The following HS3ST3A1 variants were observed in gnomAD, a reference collection of about 807,000 sequenced individuals.
HS3ST3A1 encodes the protein heparan sulfate-glucosamine 3-sulfotransferase 3A1, also known as heparan sulfate glucosamine 3-O-sulfotransferase 3A1.
HS3ST3A1 carries 19 observed loss-of-function variants against 25.7 expected under a neutral mutation model. That is an observed-to-expected ratio of 0.74 (90% CI 0.52 to 1.08). The LOEUF (loss-of-function observed/expected upper bound fraction) is 1.08. HS3ST3A1 is among the 50% of genes least tolerant of loss of function. The pLI is 0.00. For missense variants in HS3ST3A1, 459 were observed against 594.3 expected, an observed-to-expected ratio of 0.77 and a Z score of 2.37; for synonymous variants, 226 against 278.6, an observed-to-expected ratio of 0.81 and a Z score of 1.88.
intron 1 of HS3ST3A1, among the ~76,000 whole-genome samples, chr17:13,537,292 G>A (rs7211855): frequency 0.44 from 67,507 of 152,122 alleles, 16,646 homozygotes; most frequent in African/African-American, 0.67. Flanking sequence ...CAGCTGCATC[G>A]TGTGGCATAT....
intron 1 of HS3ST3A1, among the ~76,000 whole-genome samples, chr17:13,572,287 G>T (rs1434541410): frequency 9.2e-5 from 14 of 152,130 alleles, no homozygotes; most frequent in Admixed American, 9.2e-4. Flanking sequence ...CTAAAGAAGG[G>T]AACTGACTTA....
chr17:13,521,007 T>G (rs1336275356), intron 1 of HS3ST3A1, among the ~76,000 whole-genome samples: 1 of 152,202 alleles, frequency 6.6e-6, no homozygotes, highest in African/African-American at 2.4e-5. Context: ...CATGGGCTTC[T>G]TTCCAAATTC....
intron 1 of HS3ST3A1, among the ~76,000 whole-genome samples, chr17:13,512,818 G>T (rs1905922313): frequency 6.6e-6 from 1 of 152,108 alleles, no homozygotes; most frequent in Non-Finnish European, 1.5e-5. Flanking sequence ...GTATGTCTTT[G>T]TTTTATTACT....
intron 1 of HS3ST3A1, among the ~76,000 whole-genome samples, chr17:13,508,139 G>C (rs1905744911): frequency 6.6e-6 from 1 of 152,192 alleles, no homozygotes; most frequent in Admixed American, 6.5e-5. Flanking sequence ...ATCAGGGTTA[G>C]AGCCCAGGAC....
intron 1 of HS3ST3A1, among the ~76,000 whole-genome samples, chr17:13,522,256 G>A (rs1906272500): frequency 6.6e-6 from 1 of 151,070 alleles, no homozygotes; most frequent in South Asian, 2.1e-4. Context: ...TAACAATACC[G>A]AGAGAGTATC....
intron 1 of HS3ST3A1, among the ~76,000 whole-genome samples, chr17:13,555,469 GA>G (rs1260243255): frequency 3.9e-5 from 6 of 152,146 alleles, no homozygotes; most frequent in African/African-American, 1.4e-4. Flanking sequence ...CTAGAAAACA[GA>G]AATGGGGCTG....
intron 1 of HS3ST3A1, among the ~76,000 whole-genome samples, chr17:13,526,873 G>A (rs143184141): frequency 3.5e-3 from 530 of 151,858 alleles, no homozygotes; most frequent in Middle Eastern, 6.8e-3. Flanking sequence ...GCCTGGTCTC[G>A]AACTCCCGAC....
chr17:13,512,705 T>C (rs1354639835), intron 1 of HS3ST3A1, among the ~76,000 whole-genome samples: 1 of 152,146 alleles, frequency 6.6e-6, no homozygotes, highest in Non-Finnish European at 1.5e-5. Context: ...TAGAATAAAA[T>C]TAGTATTCAA....
intron 1 of HS3ST3A1, among the ~76,000 whole-genome samples, chr17:13,506,285 A>T (rs1905672771): frequency 6.6e-6 from 1 of 152,130 alleles, no homozygotes; most frequent in South Asian, 2.1e-4. Context: ...ATCTTGGGCA[A>T]ATCACTTTCG....
At chr17:13,582,902 T>C (rs755443731) in intron 1 of HS3ST3A1, among the ~76,000 whole-genome samples, 2 of 152,232 alleles carry the variant, frequency 1.3e-5, no homozygotes, top group Non-Finnish European at 2.9e-5. Flanking sequence ...GCACAGTTCC[T>C]GAGACTCAGT....
rs550022111 is a variant in HS3ST3A1 at position 13,537,538 on chromosome 17, A to G, written c.600-40720T>C. 3.9e-5 allele frequency among the ~76,000 whole-genome samples: 6 copies of G among 152,186 alleles called. No homozygotes were observed. In the East Asian group the frequency reaches 1.2e-3, roughly 29 times the overall value. Reference sequence around the variant, plus strand: ...TCTTATTTTCTCTCTGCTCCCTTCTATTCTGTCCTCCCAATCTTGAATGGT... The same window carrying G: ...TCTTATTTTCTCTCTGCTCCCTTCTGTTCTGTCCTCCCAATCTTGAATGGT... On this transcript the variant is annotated intron_variant, in intron 1 of 1. Coordinates refer to ENST00000284110, the MANE Select transcript of HS3ST3A1 (RefSeq NM_006042.3).
intron 1 of HS3ST3A1, among the ~76,000 whole-genome samples, chr17:13,504,303 C>T (rs1034077863): frequency 6.6e-5 from 7 of 105,778 alleles, no homozygotes; most frequent in East Asian, 2.9e-4. Context: ...GGCGACAGAG[C>T]GAGACTCCAT....
At chr17:13,540,861 C>A (rs1021193725) in intron 1 of HS3ST3A1, among the ~76,000 whole-genome samples, 1 of 152,194 alleles carries the variant, frequency 6.6e-6, no homozygotes, top group Non-Finnish European at 1.5e-5. Flanking sequence ...CTTATTTAAG[C>A]AGAGAAACTC....
At chr17:13,571,067 T>C (rs986545922) in intron 1 of HS3ST3A1, among the ~76,000 whole-genome samples, 1 of 152,124 alleles carries the variant, frequency 6.6e-6, no homozygotes, top group African/African-American at 2.4e-5. Context: ...TATCAGCCCA[T>C]ACAAATTCAT....
chr17:13,505,716 C>T (rs1598407885), intron 1 of HS3ST3A1, among the ~76,000 whole-genome samples: 1 of 151,518 alleles, frequency 6.6e-6, no homozygotes, highest in East Asian at 1.9e-4. Flanking sequence ...GGAAGTGGTG[C>T]CCTCTCCCCA....
At chr17:13,572,544 G>A (rs1291915500) in intron 1 of HS3ST3A1, among the ~76,000 whole-genome samples, 1 of 152,210 alleles carries the variant, frequency 6.6e-6, no homozygotes, top group East Asian at 1.9e-4. Context: ...AGCTGCTACA[G>A]GGATTTGATC....
intron 1 of HS3ST3A1, among the ~76,000 whole-genome samples, chr17:13,599,675 G>C (rs934304746): frequency 1.5e-4 from 23 of 152,156 alleles, no homozygotes; most frequent in African/African-American, 5.1e-4. Flanking sequence ...ATTAAAGGTG[G>C]TCTGAATTTG....
intron 1 of HS3ST3A1, among the ~76,000 whole-genome samples, chr17:13,518,165 C>T (rs935576802): frequency 3.3e-5 from 5 of 152,066 alleles, no homozygotes; most frequent in African/African-American, 1.2e-4. Context: ...ACAGAAATTA[C>T]AGTGGAAATA....
intron 1 of HS3ST3A1, among the ~76,000 whole-genome samples, chr17:13,525,452 T>G: frequency 6.6e-6 from 1 of 152,112 alleles, no homozygotes; most frequent in East Asian, 1.9e-4. Context: ...AATTGCAGGG[T>G]TTTTGTGTGC....
Sources: allele counts gnomAD v4.1 joint callset (sites outside exome capture counted in the v4.1 genomes callset), GRCh38; gene constraint gnomAD v4.1.1; transcripts MANE v1.5; gene names NCBI Gene and HGNC (gene_info 2026-07-23, HGNC 2026-07-21).